Variants in CDC37L1 observed in about 807,000 individuals in gnomAD.
CDC37L1 encodes cell division cycle 37 like 1, HSP90 cochaperone.
A neutral mutation model predicts 45.9 loss-of-function variants in CDC37L1; 32 were observed. That is an observed-to-expected ratio of 0.70 (90% CI 0.53 to 0.94). The LOEUF is 0.94. Among genes scored for constraint, CDC37L1 ranks in the 40% least tolerant of loss-of-function variants. The pLI, the probability that CDC37L1 is intolerant of heterozygous loss-of-function variation, is 0.00. For missense variants in CDC37L1, 434 were observed against 405.7 expected, an observed-to-expected ratio of 1.07 and a Z score of -0.60; for synonymous variants, 150 against 133.0, an observed-to-expected ratio of 1.13 and a Z score of -0.88.
At chr9:4,701,528 A>G (rs970058710) in intron 5 of CDC37L1, among the ~76,000 whole-genome samples, 1 of 152,256 alleles carries the variant, frequency 6.6e-6, no homozygotes, top group African/African-American at 2.4e-5. Context: ...GACAGATTAA[A>G]TGACTATTTT....
In CDC37L1 at chr9:4,706,232, A is replaced by G; in HGVS notation, c.*120A>G. The G allele has an allele frequency of 1.9e-6, 1 of 526,150 alleles. No individual in the cohort carries two copies. The highest frequency in any genetic ancestry group is 3.5e-6 in the Non-Finnish European group (1 of 283,876). The allele number at this position is 526,150 out of a possible 1,614,324, so 32.6% of individuals were successfully genotyped here. A position where few individuals can be genotyped will look rare whatever the true frequency, so the allele number is the denominator to read the frequency against. On this transcript the variant is annotated 3_prime_UTR_variant, in exon 7 of 7. Coordinates refer to ENST00000381854, the MANE Select transcript of CDC37L1 (RefSeq NM_017913.4). ...TTTTGTTCGGTTTTTGATGGGAGGG[A>G]AAGAGTACTGAAATGTTTTGTAAAT...
chr9:4,702,813 C>T (rs1049249826), intron 6 of CDC37L1, among the ~76,000 whole-genome samples: 2 of 137,986 alleles, frequency 1.4e-5, no homozygotes, highest in Admixed American at 8.2e-5. Context: ...GGCGTGAACC[C>T]GGGAGGCAGA....
At chr9:4,700,839 C>T (rs1053226441) in intron 5 of CDC37L1, among the ~76,000 whole-genome samples, 3 of 152,110 alleles carry the variant, frequency 2.0e-5, no homozygotes, top group Non-Finnish European at 4.4e-5. Flanking sequence ...CTTAATAATA[C>T]AAAATCTGTC....
intron 1 of CDC37L1, among the ~76,000 whole-genome samples, chr9:4,681,681 T>A (rs1413560120): frequency 6.6e-6 from 1 of 152,238 alleles, no homozygotes; most frequent in Non-Finnish European, 1.5e-5. Context: ...AATTCTGAGT[T>A]CATGTGTTTA....
At position 4,679,661 on chromosome 9, in the gene CDC37L1, C is replaced by A; in HGVS notation, c.-107C>A. 1 of 1,072,854 alleles carries A rather than the reference C, an allele frequency of 9.3e-7. No individual in the cohort carries two copies. Among genetic ancestry groups the A allele is most frequent in the Admixed American group, 3.1e-5 (1 of 32,360 alleles). The allele number at this position is 1,072,854 out of a possible 1,614,324, so 66.5% of individuals were successfully genotyped here. ...AGGGATTCTGGGTAACGGCCCGGAC[C>A]CCCGGCTGGGCTTCTGGCTCGGCGC... On this transcript the variant is annotated 5_prime_UTR_variant, in exon 1 of 7. Coordinates refer to ENST00000381854, the MANE Select transcript of CDC37L1 (RefSeq NM_017913.4).
intron 3 of CDC37L1, among the ~76,000 whole-genome samples, chr9:4,692,303 C>G (rs954186047): frequency 2.7e-5 from 4 of 150,560 alleles, no homozygotes; most frequent in African/African-American, 9.8e-5. Context: ...AAATCTCGCT[C>G]TTGTCCCCCA....
intron 3 of CDC37L1, among the ~76,000 whole-genome samples, chr9:4,696,885 A>G (rs1841352642): frequency 6.6e-6 from 1 of 152,184 alleles, no homozygotes. Flanking sequence ...TTTAGGAGCT[A>G]TTTCCAGTCT....
intron 3 of CDC37L1, among the ~76,000 whole-genome samples, chr9:4,693,521 A>G (rs1183696676): frequency 6.6e-6 from 1 of 152,134 alleles, no homozygotes; most frequent in Non-Finnish European, 1.5e-5. Flanking sequence ...AATCAGTAAT[A>G]AGGAAGGACG....
intron 6 of CDC37L1, among the ~76,000 whole-genome samples, chr9:4,704,551 G>T (rs1284659189): frequency 6.6e-6 from 1 of 152,188 alleles, no homozygotes; most frequent in Non-Finnish European, 1.5e-5. Flanking sequence ...ATTAAAAGTT[G>T]TGCCATGGAA....
intron 3 of CDC37L1, among the ~76,000 whole-genome samples, chr9:4,692,291 C>A: frequency 6.8e-6 from 1 of 147,148 alleles, no homozygotes. Flanking sequence ...TTTTTTGAGA[C>A]GAAATCTCGC....
intron 6 of CDC37L1, chr9:4,702,994 G>C (rs1278202284): frequency 7.6e-7 from 1 of 1,315,042 alleles, no homozygotes; most frequent in African/African-American, 1.5e-5. Flanking sequence ...ATGCTAGTTA[G>C]GATTACAAGT....
chr9:4,705,930 A>AAT, intron 6 of CDC37L1, 81 bp from the exon 7 acceptor site: 1 of 604,680 alleles, frequency 1.7e-6, no homozygotes, highest in Non-Finnish European at 3.1e-6. Flanking sequence ...GGTGAAACTG[A>AAT]ATATATATGT....
intron 4 of CDC37L1, 85 bp downstream of exon 4, chr9:4,697,296 C>A: frequency 1.4e-6 from 1 of 701,336 alleles, no homozygotes. Context: ...TTGTTTTCTA[C>A]ATTAAGTCCT....
At chr9:4,682,690 T>G (rs1286106994) in intron 1 of CDC37L1, among the ~76,000 whole-genome samples, 1 of 151,646 alleles carries the variant, frequency 6.6e-6, no homozygotes, top group African/African-American at 2.4e-5. Flanking sequence ...CCAAGCTGGT[T>G]TCGAACTCCT....
intron 3 of CDC37L1, among the ~76,000 whole-genome samples, chr9:4,694,289 A>G (rs1841326976): frequency 6.6e-6 from 1 of 152,124 alleles, no homozygotes; most frequent in Admixed American, 6.5e-5. Flanking sequence ...TTTGTTGCCT[A>G]GACTGACCTA....
intron 3 of CDC37L1, among the ~76,000 whole-genome samples, chr9:4,688,992 G>A (rs1841276637): frequency 6.6e-6 from 1 of 151,860 alleles, no homozygotes; most frequent in East Asian, 1.9e-4. Context: ...TGGATATGAT[G>A]CTTTATAATT....
At chr9:4,699,013 T>A (rs898268418) in intron 5 of CDC37L1, among the ~76,000 whole-genome samples, 19 of 152,202 alleles carry the variant, frequency 1.2e-4, no homozygotes, top group Non-Finnish European at 2.5e-4. Flanking sequence ...GTTAATGTTT[T>A]AAAAATTCCT....
chr9:4,680,003 A>G, intron 1 of CDC37L1, 104 bp downstream of exon 1: 3 of 1,424,014 alleles, frequency 2.1e-6, no homozygotes, highest in Non-Finnish European at 2.8e-6. Context: ...TTCTACGCCC[A>G]CCTCACTGCC....
In CDC37L1 at chr9:4,685,008, C is replaced by A. The variant is rs2295967; in HGVS notation, c.264C>A (p.Ser88=). The change falls in exon 2 of 7, where the codon TCC becomes TCA. Residue 88 remains serine, a synonymous_variant. Transcript: ENST00000381854. ...LGSLALHNSE[S]LDQEHAKAQT... ...GCTTAGCACTGCATAATTCTGAGTC[C>A]TTGGATCAGGAGCATGCCAAAGCAC... The A allele has an allele frequency of 6.2e-7, 1 of 1,613,966 alleles. No homozygotes were observed. The highest frequency in any genetic ancestry group is 8.5e-7 in the Non-Finnish European group (1 of 1,179,960).
Sources: allele counts gnomAD v4.1 joint callset (sites outside exome capture counted in the v4.1 genomes callset), GRCh38; gene constraint gnomAD v4.1.1; transcripts MANE v1.5; gene names NCBI Gene and HGNC (gene_info 2026-07-23, HGNC 2026-07-21).